STK38L: variants seen among roughly 807,000 people sequenced by gnomAD.
STK38L encodes the protein serine/threonine kinase 38 like.
STK38L carries 28 observed loss-of-function variants against 59.7 expected under a neutral mutation model. That is an observed-to-expected ratio of 0.47 (90% CI 0.35 to 0.64). The LOEUF (loss-of-function observed/expected upper bound fraction) is 0.64. STK38L is among the 30% of genes least tolerant of loss of function. STK38L has a pLI of 0.01. For synonymous variants in STK38L, 162 were observed against 176.8 expected (o/e 0.92, Z 0.66); for missense variants, 314 against 555.8 (o/e 0.56, Z 4.37).
At chr12:27,269,306 A>T (rs2136616475) in intron 1 of STK38L, among the ~76,000 whole-genome samples, 1 of 152,314 alleles carries the variant, frequency 6.6e-6, no homozygotes, top group African/African-American at 2.4e-5. Flanking sequence ...TATAAGGTGT[A>T]AGGAAGGGAT....
chr12:27,300,695 A>G, intron 2 of STK38L: 1 of 446,130 alleles, frequency 2.2e-6, no homozygotes, highest in East Asian at 7.0e-5. Context: ...AAAGACAAAA[A>G]TCAGTGTAAT....
chr12:27,297,639 T>G, intron 1 of STK38L, 71 bp from the exon 2 acceptor site: 1 of 1,485,308 alleles, frequency 6.7e-7, no homozygotes, highest in Non-Finnish European at 9.0e-7. Context: ...AATTGAACAT[T>G]TTCAGAGTTT....
intron 1 of STK38L, among the ~76,000 whole-genome samples, chr12:27,279,354 C>T (rs1039513443): frequency 6.6e-6 from 1 of 152,112 alleles, no homozygotes; most frequent in South Asian, 2.1e-4. Flanking sequence ...TCAAAATGGA[C>T]TGTTTCTGGT....
At position 27,317,584 on chromosome 12, in the gene STK38L, T is replaced by G. The variant is rs1357910216; in HGVS notation, c.955+131T>G. 3.1e-5 allele frequency: 25 copies of G among 819,050 alleles called. 1 individual carries two copies. The allele number at this position is 819,050 out of a possible 1,614,324, so 50.7% of individuals were successfully genotyped here. On this transcript the variant is annotated intron_variant, in intron 10 of 13. Transcript: ENST00000389032. ...GCTTAATTCTGATGTTCCCCCAATG[T>G]TAAATACATACTGATCAATACCAGT...
intron 1 of STK38L, among the ~76,000 whole-genome samples, chr12:27,248,871 ATACCT>A (rs1191857645): frequency 6.6e-6 from 1 of 152,232 alleles, no homozygotes; most frequent in African/African-American, 2.4e-5. Context: ...TTTTTGAAAC[ATACCT>A]TAAATTAATA....
intron 1 of STK38L, among the ~76,000 whole-genome samples, chr12:27,266,236 A>C (rs1274855420): frequency 1.3e-5 from 2 of 152,226 alleles, no homozygotes; most frequent in Admixed American, 1.3e-4. Flanking sequence ...ATAAATGTGC[A>C]TCTTTTCCTA....
intron 1 of STK38L, among the ~76,000 whole-genome samples, chr12:27,274,114 G>A (rs1024058127): frequency 6.6e-6 from 1 of 151,848 alleles, no homozygotes; most frequent in East Asian, 1.9e-4. Flanking sequence ...TTAGCTGGGC[G>A]TAGTGGTGCA....
At chr12:27,306,465 CTTT>C (rs1028332834) in intron 3 of STK38L, among the ~76,000 whole-genome samples, 8 of 151,932 alleles carry the variant, frequency 5.3e-5, no homozygotes, top group African/African-American at 1.9e-4. Context: ...TTAGAGCTCT[CTTT>C]TGTTTTACTA....
At chr12:27,267,336 C>A (rs1188435996) in intron 1 of STK38L, among the ~76,000 whole-genome samples, 3 of 152,130 alleles carry the variant, frequency 2.0e-5, no homozygotes, top group Admixed American at 6.5e-5. Context: ...AATCCCAGCA[C>A]TTTGGGAGGC....
At chr12:27,262,481 C>T (rs1332431056) in intron 1 of STK38L, among the ~76,000 whole-genome samples, 1 of 151,752 alleles carries the variant, frequency 6.6e-6, no homozygotes, top group Non-Finnish European at 1.5e-5. Context: ...TTACATTTTC[C>T]ATGGCAGAAA....
At chr12:27,317,271 G>GGATGCTTTTT in intron 9 of STK38L, 65 bp from the exon 10 acceptor site, 3 of 1,178,442 alleles carry the variant, frequency 2.5e-6, no homozygotes, top group Non-Finnish European at 3.7e-6. Context: ...CCAGTAGTAA[G>GGATGCTTTTT]CCATCCTCAG....
intron 1 of STK38L, among the ~76,000 whole-genome samples, chr12:27,284,933 A>G (rs1014773611): frequency 3.3e-5 from 5 of 152,208 alleles, no homozygotes; most frequent in African/African-American, 1.2e-4. Flanking sequence ...GTTTAACACA[A>G]TATCTGAGTC....
At position 27,314,604 on chromosome 12, in the gene STK38L, G is replaced by GT; in HGVS notation, c.620dup (p.Leu207PhefsTer9). 1 of 1,609,338 alleles carries GT rather than the reference G, an allele frequency of 6.2e-7. No homozygotes were observed. Among genetic ancestry groups the GT allele is most frequent in the African/African-American group, 1.3e-5 (1 of 74,678 alleles). On this transcript the variant is annotated frameshift_variant, in exon 7 of 14. Transcript: ENST00000389032. LOFTEE classifies it high-confidence loss of function. Reference sequence around the variant, plus strand: ...TTCTGGCAATAGATGCGATCCACCAGTTGGGTTTCATCCATCGGGATATTA... The same window carrying GT: ...TTCTGGCAATAGATGCGATCCACCAGTTTGGGTTTCATCCATCGGGATATTA...
intron 10 of STK38L, 31 bp from the exon 11 acceptor site, chr12:27,317,865 A>C: frequency 6.2e-7 from 1 of 1,611,138 alleles, no homozygotes; most frequent in Non-Finnish European, 8.5e-7. Context: ...CACAAAGCTG[A>C]TGAAACATTT....
intron 1 of STK38L, among the ~76,000 whole-genome samples, chr12:27,293,332 G>A (rs1565540666): frequency 6.6e-6 from 1 of 152,184 alleles, no homozygotes; most frequent in Non-Finnish European, 1.5e-5. Context: ...AGTGGACATA[G>A]GTGCTCTAGG....
At chr12:27,269,146 G>T (rs2136616336) in intron 1 of STK38L, among the ~76,000 whole-genome samples, 1 of 152,248 alleles carries the variant, frequency 6.6e-6, no homozygotes, top group Admixed American at 6.5e-5. Flanking sequence ...TGTCAATTTT[G>T]GCTTTTGTTG....
chr12:27,321,550 T>C (rs1944728039), intron 12 of STK38L, among the ~76,000 whole-genome samples: 1 of 152,248 alleles, frequency 6.6e-6, no homozygotes, highest in Non-Finnish European at 1.5e-5. Flanking sequence ...AAATACTTTA[T>C]ACAATTATAC....
intron 1 of STK38L, among the ~76,000 whole-genome samples, chr12:27,270,729 G>A (rs377600039): frequency 6.6e-6 from 1 of 151,862 alleles, no homozygotes; most frequent in East Asian, 1.9e-4. Flanking sequence ...GCCCAGGCTG[G>A]TCTTGAACTC....
chr12:27,261,944 T>C (rs61915900), intron 1 of STK38L, among the ~76,000 whole-genome samples: 7,677 of 152,308 alleles, frequency 0.05, 567 homozygotes, highest in East Asian at 0.39. Context: ...TACAGTTCTG[T>C]TTATTAGCAT....
Sources: gnomAD v4.1 joint callset for allele counts (sites outside exome capture counted in the v4.1 genomes callset) on GRCh38, gnomAD v4.1.1 for gene constraint, MANE v1.5 for transcripts, NCBI Gene and HGNC (gene_info 2026-07-23, HGNC 2026-07-21) for gene names.